Variants in PCDH15 observed in about 807,000 individuals in gnomAD.
The protein encoded by PCDH15 is protocadherin related 15, also known as protocadherin-15.
In PCDH15, 129 loss-of-function variants were observed where a neutral mutation model predicts 178.5. That is an observed-to-expected ratio of 0.72 (90% CI 0.63 to 0.84). The LOEUF (loss-of-function observed/expected upper bound fraction) is 0.84. Ranked by LOEUF, PCDH15 falls within the 40% of genes least tolerant of loss-of-function variation. PCDH15 has a pLI of 0.00. For synonymous variants in PCDH15, 800 were observed against 732.0 expected, an observed-to-expected ratio of 1.09 and a Z score of -1.50; for missense variants, 2,230 against 2,099.9, an observed-to-expected ratio of 1.06 and a Z score of -1.21.
At chr10:54,933,860 A>C (rs1220924700) in intron 2 of PCDH15, among the ~76,000 whole-genome samples, 2 of 152,150 alleles carry the variant, frequency 1.3e-5, no homozygotes, top group Non-Finnish European at 2.9e-5. Flanking sequence ...TTAAATCCTT[A>C]TCCGTAGACA....
At chr10:55,144,343 T>A (rs1459339622) in intron 2 of PCDH15, among the ~76,000 whole-genome samples, 1 of 151,972 alleles carries the variant, frequency 6.6e-6, no homozygotes, top group Non-Finnish European at 1.5e-5. Context: ...CTCAAAAACA[T>A]CTCAACTTTG....
At chr10:55,529,219 C>A (rs1007857901) in intron 2 of PCDH15, among the ~76,000 whole-genome samples, 2 of 152,038 alleles carry the variant, frequency 1.3e-5, no homozygotes, top group African/African-American at 4.8e-5. Context: ...TATGCAGAAG[C>A]TCTTTAGTTT....
At chr10:54,543,202 AGTT>A (rs1362929070) in intron 2 of PCDH15, among the ~76,000 whole-genome samples, 6 of 152,314 alleles carry the variant, frequency 3.9e-5, no homozygotes, top group Admixed American at 3.9e-4. Context: ...AAAACTTTGC[AGTT>A]GTTCTCCAAG....
intron 8 of PCDH15, among the ~76,000 whole-genome samples, chr10:54,266,844 C>T (rs1379325506): frequency 1.3e-5 from 2 of 151,860 alleles, no homozygotes. Context: ...CTGAATTCTA[C>T]CAGACATACA....
chr10:55,389,696 T>A (rs1470056512), intron 2 of PCDH15, among the ~76,000 whole-genome samples: 1 of 152,076 alleles, frequency 6.6e-6, no homozygotes, highest in African/African-American at 2.4e-5. Context: ...TCAAGTTACC[T>A]ACAAAAACCT....
At chr10:55,056,401 T>C (rs764187021) in intron 2 of PCDH15, among the ~76,000 whole-genome samples, 54 of 152,050 alleles carry the variant, frequency 3.6e-4, no homozygotes, top group Admixed American at 1.1e-3. Flanking sequence ...TTGTAAGTTT[T>C]TGTACCTTTT....
At chr10:54,682,839 T>C (rs918634695) in intron 1 of PCDH15, among the ~76,000 whole-genome samples, 5 of 152,140 alleles carry the variant, frequency 3.3e-5, no homozygotes, top group Admixed American at 6.6e-5. Flanking sequence ...TCTTCTCTGT[T>C]AACCCATAAG....
At chr10:54,749,155 C>T (rs1945862578) in intron 1 of PCDH15, among the ~76,000 whole-genome samples, 1 of 152,014 alleles carries the variant, frequency 6.6e-6, no homozygotes, top group South Asian at 2.1e-4. Context: ...AATTCCCAGG[C>T]CAAAGTGTTT....
chr10:54,151,049 CTATT>C (rs1311124236), intron 14 of PCDH15, among the ~76,000 whole-genome samples: 12 of 152,032 alleles, frequency 7.9e-5, no homozygotes, highest in African/African-American at 2.9e-4. Flanking sequence ...TATATGGTAG[CTATT>C]TATTTGATCT....
chr10:55,219,796 A>T (rs1251735186), intron 1 of PCDH15, among the ~76,000 whole-genome samples: 1 of 151,636 alleles, frequency 6.6e-6, no homozygotes, highest in East Asian at 1.9e-4. Flanking sequence ...GCAAGGAAAA[A>T]TAAGGAGCTG....
At chr10:54,102,965 C>T (rs1270217671) in intron 15 of PCDH15, among the ~76,000 whole-genome samples, 2 of 152,298 alleles carry the variant, frequency 1.3e-5, no homozygotes, top group Non-Finnish European at 2.9e-5. Context: ...GATAATTTCC[C>T]TTTCCCCAGT....
At chr10:54,782,111 A>T (rs1340438375) in intron 1 of PCDH15, among the ~76,000 whole-genome samples, 3 of 152,212 alleles carry the variant, frequency 2.0e-5, no homozygotes, top group Non-Finnish European at 4.4e-5. Context: ...AAAGTATTCC[A>T]TGCAGAACAG....
chr10:55,343,920 T>G (rs922082777), intron 2 of PCDH15, among the ~76,000 whole-genome samples: 6 of 152,130 alleles, frequency 3.9e-5, no homozygotes, highest in Non-Finnish European at 7.4e-5. Context: ...ACATTTAATA[T>G]GTTAAATATA....
intron 5 of PCDH15, among the ~76,000 whole-genome samples, chr10:54,350,691 A>G (rs1489763845): frequency 2.6e-5 from 4 of 152,252 alleles, no homozygotes; most frequent in African/African-American, 9.6e-5. Flanking sequence ...TTTAAAAAAT[A>G]GTAGATCCTG....
At chr10:54,760,372 TA>T (rs1158047804) in intron 1 of PCDH15, among the ~76,000 whole-genome samples, 3 of 131,302 alleles carry the variant, frequency 2.3e-5, no homozygotes, top group Non-Finnish European at 5.2e-5. Flanking sequence ...ACACAACATA[TA>T]TATTTTTTTT....
intron 1 of PCDH15, among the ~76,000 whole-genome samples, chr10:55,272,465 C>T (rs536902870): frequency 1.5e-4 from 22 of 151,406 alleles, no homozygotes; most frequent in South Asian, 6.3e-4. Context: ...AGTGCAGTGA[C>T]GCGATCTCGG....
At chr10:54,372,748 G>T (rs998927785) in intron 4 of PCDH15, among the ~76,000 whole-genome samples, 1 of 151,846 alleles carries the variant, frequency 6.6e-6, no homozygotes, top group Non-Finnish European at 1.5e-5. Flanking sequence ...GGTAGAAATT[G>T]TGTTCATATA....
At chr10:54,657,719 G>A (rs952031307) in intron 2 of PCDH15, among the ~76,000 whole-genome samples, 2 of 152,074 alleles carry the variant, frequency 1.3e-5, no homozygotes, top group Non-Finnish European at 2.9e-5. Flanking sequence ...ATAAATGATA[G>A]AAAATTCAAA....
chr10:55,541,407 T>C (rs1233983982), intron 2 of PCDH15, among the ~76,000 whole-genome samples: 5 of 151,950 alleles, frequency 3.3e-5, no homozygotes, highest in Non-Finnish European at 7.4e-5. Context: ...CTACATCTTC[T>C]TACTGTTTTT....
Sources: gnomAD v4.1 joint callset for allele counts (sites outside exome capture counted in the v4.1 genomes callset) on GRCh38, gnomAD v4.1.1 for gene constraint, MANE v1.5 for transcripts, NCBI Gene and HGNC (gene_info 2026-07-23, HGNC 2026-07-21) for gene names.